The following KIF6 variants were observed in gnomAD, a reference collection of about 807,000 sequenced individuals.
The protein encoded by KIF6 is kinesin-like protein KIF6.
KIF6 carries 106 observed loss-of-function variants against 112.7 expected under a neutral mutation model. That is an observed-to-expected ratio of 0.94 (90% CI 0.80 to 1.11). The LOEUF (loss-of-function observed/expected upper bound fraction) is 1.11, where lower values mean the gene tolerates loss of function less well. Among genes scored for constraint, KIF6 ranks in the 50% least tolerant of loss-of-function variants. The probability of loss-of-function intolerance (pLI) is 0.00; values close to 1 mark genes in which losing one functional copy is unlikely to be tolerated. For synonymous variants in KIF6, 339 were observed against 339.9 expected (o/e 1.00, Z 0.03); for missense variants, 929 against 964.0 (o/e 0.96, Z 0.48).
At chr6:39,533,081 G>A (rs984157770) in intron 13 of KIF6, among the ~76,000 whole-genome samples, 3 of 152,236 alleles carry the variant, frequency 2.0e-5, no homozygotes, top group Non-Finnish European at 4.4e-5. Context: ...CAGCGTGAGC[G>A]ACGCAGAAGA....
intron 2 of KIF6, 76 bp downstream of exon 2, chr6:39,720,626 A>C (rs1790154187): frequency 1.3e-6 from 1 of 774,268 alleles, no homozygotes; most frequent in African/African-American, 1.7e-5. Flanking sequence ...TAATGATTTC[A>C]CAATGAATAT....
Position 39,513,095 on chromosome 6 carries a change from C to G in KIF6, c.1645+26908G>C, listed in dbSNP as rs115311012. Among the ~76,000 whole-genome samples, 1,402 of 152,294 alleles carry G rather than the reference C, an allele frequency of 9.2e-3. 23 individuals are homozygous for G. The highest frequency in any genetic ancestry group is 0.032 in the African/African-American group (1,340 of 41,556). On this transcript the variant is annotated intron_variant, in intron 13 of 22. Coordinates refer to ENST00000287152, the MANE Select transcript of KIF6 (RefSeq NM_145027.6). ...ATGATTCTAACCCAGGTCTTCATGACTACAAACTTCATGTTTGTTGTTCTG... is the reference window on the plus strand; with the variant it reads ...ATGATTCTAACCCAGGTCTTCATGAGTACAAACTTCATGTTTGTTGTTCTG...
intron 13 of KIF6, among the ~76,000 whole-genome samples, chr6:39,475,415 T>C (rs1376515847): frequency 6.6e-6 from 1 of 152,250 alleles, no homozygotes. Flanking sequence ...TTTGCAAGTA[T>C]GCTTATTTTA....
chr6:39,433,419 A>C (rs968835850), intron 13 of KIF6, among the ~76,000 whole-genome samples: 1 of 152,234 alleles, frequency 6.6e-6, no homozygotes, highest in Non-Finnish European at 1.5e-5. Flanking sequence ...TGCATCGCCA[A>C]CTTTCAAAGA....
chr6:39,483,269 A>G (rs1774914873), intron 13 of KIF6, among the ~76,000 whole-genome samples: 1 of 152,170 alleles, frequency 6.6e-6, no homozygotes, highest in African/African-American at 2.4e-5. Context: ...GTTATTGCAT[A>G]AGCTGTGTAA....
chr6:39,337,164 TTTCC>T (rs766759632), intron 22 of KIF6, among the ~76,000 whole-genome samples: 2,560 of 72,012 alleles, frequency 0.036, 206 homozygotes, highest in Middle Eastern at 0.079. Context: ...CTTTTCTTTC[TTTCC>T]TTCCTTCTTT....
rs1762825194 is a variant in KIF6, at chr6:39,333,907, T to A, written c.*2625A>T. 1 of 152,240 alleles carries A rather than the reference T, an allele frequency of 6.6e-6. No individual in the cohort carries two copies. Among genetic ancestry groups the A allele is most frequent in the Non-Finnish European group, 1.5e-5 (1 of 68,034 alleles). The allele number at this position is 152,240 out of a possible 1,614,324, so 9.4% of individuals were successfully genotyped here. ...CTAGAGTGAACTCAGATACTTCTTG[T>A]CATCCGTGGCTCCACTGATCCCAGG... On this transcript the variant is annotated 3_prime_UTR_variant, in exon 23 of 23. Coordinates refer to ENST00000287152, the MANE Select transcript of KIF6 (RefSeq NM_145027.6).
chr6:39,530,107 C>T (rs146744865), intron 13 of KIF6, among the ~76,000 whole-genome samples: 3 of 152,320 alleles, frequency 2.0e-5, no homozygotes, highest in Non-Finnish European at 2.9e-5. Flanking sequence ...ACCCATTCTC[C>T]GTTCACCTTG....
At chr6:39,516,688 T>G (rs1247428219) in intron 13 of KIF6, among the ~76,000 whole-genome samples, 1 of 152,158 alleles carries the variant, frequency 6.6e-6, no homozygotes, top group Non-Finnish European at 1.5e-5. Flanking sequence ...TTGTGAAATT[T>G]AAAACTTCTA....
Position 39,640,822 on chromosome 6 carries a change from G to C in KIF6, c.252-1065C>G, listed in dbSNP as rs111954406. ...ACTATTAAACTTATGACCACCTTATGCAACTATTAAACTAACAATAATATC... is the reference window on the plus strand; with the variant it reads ...ACTATTAAACTTATGACCACCTTATCCAACTATTAAACTAACAATAATATC... On this transcript the variant is annotated intron_variant, in intron 3 of 22. Transcript: ENST00000287152. 2.7e-3 allele frequency among the ~76,000 whole-genome samples: 407 copies of C among 152,196 alleles called. 2 individuals are homozygous for C. Among genetic ancestry groups the C allele is most frequent in the Non-Finnish European group, 2.4e-3 (166 of 67,992 alleles).
At chr6:39,667,987 T>C (rs554962997) in intron 3 of KIF6, among the ~76,000 whole-genome samples, 1 of 152,316 alleles carries the variant, frequency 6.6e-6, no homozygotes, top group Non-Finnish European at 1.5e-5. Flanking sequence ...ATGAGAGATC[T>C]GGTTGTTTAA....
chr6:39,640,226 C>A (rs1320031026), intron 3 of KIF6, among the ~76,000 whole-genome samples: 3 of 152,082 alleles, frequency 2.0e-5, no homozygotes, highest in Non-Finnish European at 4.4e-5. Context: ...TAAGCACCAA[C>A]TGAAAATCCT....
At chr6:39,709,383 T>A (rs1337136671) in intron 3 of KIF6, among the ~76,000 whole-genome samples, 1 of 152,194 alleles carries the variant, frequency 6.6e-6, no homozygotes. Context: ...GTAACCTAGA[T>A]TGCTCGCATG....
intron 3 of KIF6, among the ~76,000 whole-genome samples, chr6:39,706,556 T>C (rs12193529): frequency 0.021 from 3,213 of 152,346 alleles, 39 homozygotes; most frequent in Non-Finnish European, 0.033. Flanking sequence ...AATTTTAAAA[T>C]TGTCACACTT....
chr6:39,679,599 G>T (rs1463311295), intron 3 of KIF6, among the ~76,000 whole-genome samples: 1 of 148,066 alleles, frequency 6.8e-6, no homozygotes, highest in Admixed American at 7.1e-5. Context: ...TACATGGCAG[G>T]GTTTCTTTTC....
chr6:39,431,578 C>T (rs1378065748), intron 13 of KIF6, among the ~76,000 whole-genome samples: 1 of 152,188 alleles, frequency 6.6e-6, no homozygotes, highest in Non-Finnish European at 1.5e-5. Flanking sequence ...GAATTATAAT[C>T]CAAACTGAAA....
chr6:39,484,812 G>A (rs1775021518), intron 13 of KIF6, among the ~76,000 whole-genome samples: 1 of 152,110 alleles, frequency 6.6e-6, no homozygotes, highest in African/African-American at 2.4e-5. Flanking sequence ...TCATATATGG[G>A]CCAGGCTGTG....
chr6:39,394,146 G>T (rs1323296567), intron 15 of KIF6, among the ~76,000 whole-genome samples: 1 of 152,128 alleles, frequency 6.6e-6, no homozygotes, highest in Non-Finnish European at 1.5e-5. Context: ...GTGGAAGTGG[G>T]GTGGAGAGTG....
chr6:39,523,645 C>CATAT (rs56952665), intron 13 of KIF6, among the ~76,000 whole-genome samples: 49 of 32,520 alleles, frequency 1.5e-3, no homozygotes, highest in Non-Finnish European at 1.9e-3. Flanking sequence ...TTAATTCTGC[C>CATAT]ATATATATAT....
Sources: gnomAD v4.1 joint callset for allele counts (sites outside exome capture counted in the v4.1 genomes callset) on GRCh38, gnomAD v4.1.1 for gene constraint, MANE v1.5 for transcripts, NCBI Gene and HGNC (gene_info 2026-07-23, HGNC 2026-07-21) for gene names.